The following CPEB4 variants were observed in gnomAD, a reference collection of about 807,000 sequenced individuals.
CPEB4 encodes the protein cytoplasmic polyadenylation element binding protein 4.
Under a neutral mutation model 72.5 loss-of-function variants are expected in CPEB4, and 12 were observed. That is an observed-to-expected ratio of 0.17 (90% CI 0.11 to 0.27). The LOEUF (loss-of-function observed/expected upper bound fraction) is 0.27, where lower values mean the gene tolerates loss of function less well. Ranked by LOEUF, CPEB4 falls within the 10% of genes least tolerant of loss-of-function variation. The pLI, the probability that CPEB4 is intolerant of heterozygous loss-of-function variation, is 1.00. For synonymous variants in CPEB4, 302 were observed against 326.3 expected (o/e 0.93, Z 0.80); for missense variants, 614 against 908.5 (o/e 0.68, Z 4.17).
chr5:173,911,113 G>C (rs1380317660), intron 2 of CPEB4, among the ~76,000 whole-genome samples: 1 of 151,954 alleles, frequency 6.6e-6, no homozygotes, highest in African/African-American at 2.4e-5. Flanking sequence ...ATGGATTCTA[G>C]TCTCATGTTA....
intron 2 of CPEB4, among the ~76,000 whole-genome samples, chr5:173,920,116 T>A (rs2113204650): frequency 6.6e-6 from 1 of 152,330 alleles, no homozygotes; most frequent in East Asian, 1.9e-4. Flanking sequence ...ATTGACTGAT[T>A]CTGAATTCAG....
intron 2 of CPEB4, among the ~76,000 whole-genome samples, chr5:173,912,024 A>G (rs1438556635): frequency 4.7e-5 from 7 of 148,482 alleles, no homozygotes; most frequent in Admixed American, 4.3e-4. Context: ...AGAGGGAAGA[A>G]AAATAATGTG....
chr5:173,924,361 T>C (rs955146535), intron 2 of CPEB4, among the ~76,000 whole-genome samples: 7 of 152,202 alleles, frequency 4.6e-5, no homozygotes, highest in African/African-American at 7.2e-5. Flanking sequence ...TTTTCTCTCT[T>C]CCTGAGAAGA....
chr5:173,889,538 AGTT>A lies in CPEB4; in HGVS notation c.-192_-190del, dbSNP rs1755727889. 1 of 473,606 alleles carries A rather than the reference AGTT, an allele frequency of 2.1e-6. No homozygotes were observed. The highest frequency in any genetic ancestry group is 3.8e-6 in the Non-Finnish European group (1 of 265,830). The allele number at this position is 473,606 out of a possible 1,614,324, so 29.3% of individuals were successfully genotyped here. Reference sequence around the variant, plus strand: ...CAATGTTTTAAGAGATTTTTTTAAGAGTTGTTTTTTCTTTCAGAGACCAGAATT... The same window carrying A: ...CAATGTTTTAAGAGATTTTTTTAAGAGTTTTTTCTTTCAGAGACCAGAATT... On this transcript the variant is annotated 5_prime_UTR_variant, in exon 1 of 10. Coordinates refer to ENST00000265085, the MANE Select transcript of CPEB4 (RefSeq NM_030627.4).
intron 2 of CPEB4, among the ~76,000 whole-genome samples, chr5:173,914,092 C>G (rs1334879367): frequency 6.6e-6 from 1 of 152,224 alleles, no homozygotes; most frequent in Non-Finnish European, 1.5e-5. Context: ...AAAGAATTCA[C>G]AGATGAGTGC....
intron 1 of CPEB4, among the ~76,000 whole-genome samples, chr5:173,904,175 C>T (rs1279513840): frequency 6.6e-6 from 1 of 152,220 alleles, no homozygotes; most frequent in Non-Finnish European, 1.5e-5. Flanking sequence ...TCTGCCTCCA[C>T]TTACCTAACA....
At chr5:173,897,049 AC>A (rs1468716231) in intron 1 of CPEB4, among the ~76,000 whole-genome samples, 1 of 152,270 alleles carries the variant, frequency 6.6e-6, no homozygotes, top group Non-Finnish European at 1.5e-5. Flanking sequence ...GAAATTAGTT[AC>A]AAATATAGCT....
chr5:173,946,710 G>A (rs1307143692), intron 5 of CPEB4, among the ~76,000 whole-genome samples: 2 of 152,104 alleles, frequency 1.3e-5, no homozygotes, highest in South Asian at 2.1e-4. Flanking sequence ...GTACCTGTAC[G>A]TCAGACAAGT....
chr5:173,950,108 T>C lies in CPEB4; in HGVS notation c.1665+30T>C. 7.3e-7 allele frequency: 1 copy of C among 1,363,742 alleles called. No individual in the cohort carries two copies. The highest frequency in any genetic ancestry group is 1.2e-5 in the South Asian group (1 of 80,574). The allele number at this position is 1,363,742 out of a possible 1,614,324, so 84.5% of individuals were successfully genotyped here. ...GTGTGGTTTAGCATAAAATAGCTTC[T>C]TGTTTTTGCCTCCATTCATCTGTTA... On this transcript the variant is annotated intron_variant, in intron 7 of 9. Transcript: ENST00000265085. The surrounding 1 kb of genome is among the most constrained non-coding windows in gnomAD (Gnocchi z 5.0).
At chr5:173,912,998 A>G (rs983640457) in intron 2 of CPEB4, among the ~76,000 whole-genome samples, 1 of 151,854 alleles carries the variant, frequency 6.6e-6, no homozygotes, top group Non-Finnish European at 1.5e-5. Context: ...TTCTTTCAGC[A>G]CATTTTAAAA....
chr5:173,889,555 G>T lies in CPEB4; in HGVS notation c.-179G>T. The T allele has an allele frequency of 2.0e-6, 1 of 495,710 alleles. No individual in the cohort carries two copies. The highest frequency in any genetic ancestry group is 3.6e-6 in the Non-Finnish European group (1 of 280,368). 30.7% of individuals were successfully genotyped at this position (495,710 alleles called of 1,614,324 possible). A position where few individuals can be genotyped will look rare whatever the true frequency, so the allele number is the denominator to read the frequency against. ...TTTTTAAGAGTTGTTTTTTCTTTCA[G>T]AGACCAGAATTCCAAATCAGAACAA... On this transcript the variant is annotated 5_prime_UTR_variant, in exon 1 of 10. Coordinates refer to ENST00000265085, the MANE Select transcript of CPEB4 (RefSeq NM_030627.4).
chr5:173,890,995 T>C, intron 1 of CPEB4, 137 bp downstream of exon 1: 2 of 844,542 alleles, frequency 2.4e-6, no homozygotes, highest in Non-Finnish European at 3.5e-6. Context: ...AACCAGACTT[T>C]ATTTTAGCAG....
In CPEB4 at chr5:173,932,512, T is replaced by C. The variant is rs1757483334; in HGVS notation, c.1258+12T>C. The C allele has an allele frequency of 2.5e-6, 4 of 1,603,522 alleles. No homozygotes were observed. Among genetic ancestry groups the C allele is most frequent in the Non-Finnish European group, 3.4e-6 (4 of 1,171,174 alleles). The stretch of plus-strand genomic sequence containing the variant: ...TCTGCTTATTAATGGTAAGTGATAA[T>C]TGATTTACCCTAGTGAAGTGCACAA... On this transcript the variant is annotated intron_variant, in intron 3 of 9. Coordinates refer to ENST00000265085, the MANE Select transcript of CPEB4 (RefSeq NM_030627.4).
chr5:173,893,592 G>T (rs1363900298), intron 1 of CPEB4, among the ~76,000 whole-genome samples: 1 of 152,006 alleles, frequency 6.6e-6, no homozygotes, highest in Non-Finnish European at 1.5e-5. Context: ...AGAATAAAAA[G>T]AATTCCTTAG....
chr5:173,936,443 A>T (rs945465926), intron 3 of CPEB4, among the ~76,000 whole-genome samples: 4 of 152,166 alleles, frequency 2.6e-5, no homozygotes, highest in Non-Finnish European at 5.9e-5. Flanking sequence ...CTGTCTCCAA[A>T]TATAGTCACA....
At chr5:173,930,362 C>T (rs767169335) in intron 2 of CPEB4, among the ~76,000 whole-genome samples, 3 of 152,062 alleles carry the variant, frequency 2.0e-5, no homozygotes, top group East Asian at 1.9e-4. Context: ...GGCCCTCCAT[C>T]CCCCAAGTTT....
intron 2 of CPEB4, among the ~76,000 whole-genome samples, chr5:173,925,198 G>A (rs2113218300): frequency 6.6e-6 from 1 of 152,298 alleles, no homozygotes; most frequent in East Asian, 1.9e-4. Context: ...ATGGCAGTGT[G>A]GAGAGTTAGG....
Position 173,957,936 on chromosome 5 carries a change from A to AAG in CPEB4, c.*1801_*1802dup, listed in dbSNP as rs1329987017. 1 of 152,830 alleles carries AAG rather than the reference A, an allele frequency of 6.5e-6. No homozygotes were observed. Among genetic ancestry groups the AAG allele is most frequent in the Non-Finnish European group, 1.5e-5 (1 of 68,046 alleles). 9.5% of individuals were successfully genotyped at this position (152,830 alleles called of 1,614,324 possible). A position where few individuals can be genotyped will look rare whatever the true frequency, so the allele number is the denominator to read the frequency against. On this transcript the variant is annotated 3_prime_UTR_variant, in exon 10 of 10. Coordinates refer to ENST00000265085, the MANE Select transcript of CPEB4 (RefSeq NM_030627.4). Reference sequence around the variant, plus strand: ...AAACATAGAAAGGGAGCTGCTTTTAAAGAATTCCCTGCAAATACTGAAAGC... The same window carrying AAG: ...AAACATAGAAAGGGAGCTGCTTTTAAAGAGAATTCCCTGCAAATACTGAAAGC...
intron 1 of CPEB4, among the ~76,000 whole-genome samples, chr5:173,898,619 A>C (rs1756110912): frequency 1.3e-5 from 2 of 152,250 alleles, no homozygotes; most frequent in Admixed American, 1.3e-4. Flanking sequence ...TTTATTCAAA[A>C]TATAGCACAA....
Sources: allele counts gnomAD v4.1 joint callset (sites outside exome capture counted in the v4.1 genomes callset), GRCh38; gene constraint gnomAD v4.1.1; non-coding constraint Gnocchi (gnomAD v3.1); transcripts MANE v1.5; gene names NCBI Gene and HGNC (gene_info 2026-07-23, HGNC 2026-07-21).